Variants in FGD3 observed in about 807,000 individuals in gnomAD.
The protein encoded by FGD3 is FYVE, RhoGEF and PH domain-containing protein 3.
A neutral mutation model predicts 71.8 loss-of-function variants in FGD3; 45 were observed. The ratio of observed to expected loss-of-function variants is 0.63; its 90% CI spans 0.49 to 0.80. The LOEUF (loss-of-function observed/expected upper bound fraction) is 0.80, where lower values mean the gene tolerates loss of function less well. FGD3 is among the 30% of genes least tolerant of loss of function. FGD3 has a pLI of 0.00. For synonymous variants in FGD3, 378 were observed against 392.8 expected (o/e 0.96, Z 0.44); for missense variants, 844 against 951.5 (o/e 0.89, Z 1.49).
chr9:92,951,195 T>C (rs1471253568), intron 1 of FGD3, among the ~76,000 whole-genome samples: 2 of 152,198 alleles, frequency 1.3e-5, no homozygotes, highest in Non-Finnish European at 1.5e-5. Flanking sequence ...TAATATGTGC[T>C]TGTTGAATGA....
Position 92,991,840 on chromosome 9 carries a change from G to T in FGD3, c.454-11085G>T, listed in dbSNP as rs550298700. On this transcript the variant is annotated intron_variant, in intron 3 of 17. Transcript: ENST00000375482. The stretch of plus-strand genomic sequence containing the variant: ...TCTATATCTAGGTGCTCTAGTATTT[G>T]GTGCATATATATTTGCAATTATATT... 7.2e-5 allele frequency among the ~76,000 whole-genome samples: 11 copies of T among 152,028 alleles called. No individual in the cohort carries two copies. In the East Asian group the frequency reaches 2.1e-3, roughly 29 times the overall value.
chr9:92,952,537 C>T (rs551586662), intron 1 of FGD3, among the ~76,000 whole-genome samples: 2 of 152,100 alleles, frequency 1.3e-5, no homozygotes, highest in East Asian at 3.9e-4. Flanking sequence ...GCGCCCGGCC[C>T]GAAAATCAAA....
Position 92,969,188 on chromosome 9 carries a change from A to G in FGD3, c.-217-6050A>G, listed in dbSNP as rs968393292. On this transcript the variant is annotated intron_variant, in intron 1 of 17. Coordinates refer to ENST00000375482, the MANE Select transcript of FGD3 (RefSeq NM_001083536.2). This position sits in a 1 kb window ranked among gnomAD's most constrained non-coding sequence, Gnocchi z 4.5. ...TCATGATTCTGGGCCACCCGGGTGC[A>G]GCGGGCGGCTCTTGCCCACAGGGCT... Among the ~76,000 whole-genome samples, 4 of 152,206 alleles carry G rather than the reference A, an allele frequency of 2.6e-5. No individual in the cohort carries two copies. The highest frequency in any genetic ancestry group is 9.6e-5 in the African/African-American group (4 of 41,454).
chr9:93,032,664 T>TCCTCCCGCCCACTCCA (rs59275077), intron 15 of FGD3, 105 bp from the exon 16 acceptor site: 2 of 1,062,070 alleles, frequency 1.9e-6, no homozygotes, highest in Admixed American at 1.8e-5. Context: ...GTGTTAAGTC[T>TCCTCCCGCCCACTCCA]CCTCCCGCCC....
In FGD3 at chr9:93,035,719, T is replaced by A. The variant is rs1862575729; in HGVS notation, c.*130T>A. 7.6e-7 allele frequency: 1 copy of A among 1,314,996 alleles called. No individual in the cohort carries two copies. The highest frequency in any genetic ancestry group is 2.7e-5 in the East Asian group (1 of 37,366). The allele number at this position is 1,314,996 out of a possible 1,614,324, so 81.5% of individuals were successfully genotyped here. On this transcript the variant is annotated 3_prime_UTR_variant, in exon 18 of 18. Coordinates refer to ENST00000375482, the MANE Select transcript of FGD3 (RefSeq NM_001083536.2). ...CCAACAGCCCAGAGCTCAGGACACTTGGCTTTGGGGGGAAGGAAACTGAGG... is the reference window on the plus strand; with the variant it reads ...CCAACAGCCCAGAGCTCAGGACACTAGGCTTTGGGGGGAAGGAAACTGAGG...
chr9:92,974,084 C>T (rs1386741210), intron 1 of FGD3, among the ~76,000 whole-genome samples: 7 of 151,778 alleles, frequency 4.6e-5, no homozygotes, highest in Non-Finnish European at 7.4e-5. Flanking sequence ...AAACTTGTTT[C>T]GTAGGTTTTG....
intron 1 of FGD3, among the ~76,000 whole-genome samples, chr9:92,951,662 G>A (rs1858956840): frequency 6.6e-6 from 1 of 152,188 alleles, no homozygotes; most frequent in African/African-American, 2.4e-5. Context: ...GTGACAGAGC[G>A]AGACCCTGTC....
chr9:93,028,752 G>T (rs1228988443), intron 14 of FGD3, among the ~76,000 whole-genome samples: 1 of 152,206 alleles, frequency 6.6e-6, no homozygotes, highest in Admixed American at 6.5e-5. Flanking sequence ...CTGAGGCTCA[G>T]AAAGGAGAGG....
At chr9:93,004,161 A>G (rs1406451295) in intron 5 of FGD3, 24 bp downstream of exon 5, 21 of 1,611,710 alleles carry the variant, frequency 1.3e-5, no homozygotes, top group Non-Finnish European at 1.7e-5. Context: ...GCGCATGCCC[A>G]TGGGGCCCCT....
chr9:93,002,920 C>A lies in FGD3; in HGVS notation c.454-5C>A. 6.2e-7 allele frequency: 1 copy of A among 1,613,560 alleles called. No individual in the cohort carries two copies. The highest frequency in any genetic ancestry group is 1.3e-5 in the African/African-American group (1 of 74,996). On this transcript the variant is annotated splice_polypyrimidine_tract_variant and splice_region_variant and intron_variant, in intron 3 of 17. Coordinates refer to ENST00000375482, the MANE Select transcript of FGD3 (RefSeq NM_001083536.2). The stretch of plus-strand genomic sequence containing the variant: ...CCAGGTGAGCTGCATCTCTTCTCTC[C>A]GCAGCACTCTGGCCCCCAGAAGCTT...
chr9:92,981,144 G>C (rs148106966), intron 3 of FGD3, among the ~76,000 whole-genome samples: 3 of 151,564 alleles, frequency 2.0e-5, no homozygotes, highest in African/African-American at 7.3e-5. Context: ...CGAGGCAGTC[G>C]GATCATGAGG....
At chr9:93,022,410 G>A (rs754885693) in intron 14 of FGD3, 21 bp downstream of exon 14, 28 of 1,609,220 alleles carry the variant, frequency 1.7e-5, no homozygotes, top group Non-Finnish European at 2.3e-5. Flanking sequence ...CATGCTCAGC[G>A]GTCAGCAGGG....
chr9:92,979,320 G>C lies in FGD3; in HGVS notation c.453+2611G>C, dbSNP rs140536309. On this transcript the variant is annotated intron_variant, in intron 3 of 17. Coordinates refer to ENST00000375482, the MANE Select transcript of FGD3 (RefSeq NM_001083536.2). Reference sequence around the variant, plus strand: ...TGTTGAGTGTTTTTTATCATGAAAGGATGTTGAATCCTTTCAAATGCTTTT... The same window carrying C: ...TGTTGAGTGTTTTTTATCATGAAAGCATGTTGAATCCTTTCAAATGCTTTT... Among the ~76,000 whole-genome samples the C allele has an allele frequency of 8.4e-3, 1,279 of 152,292 alleles. 11 individuals are homozygous for C. The highest frequency in any genetic ancestry group is 0.024 in the Middle Eastern group (7 of 294).
intron 12 of FGD3, 144 bp from the exon 13 acceptor site, chr9:93,020,173 G>C (rs946880927): frequency 1.5e-5 from 11 of 736,626 alleles, no homozygotes; most frequent in East Asian, 1.4e-4. Flanking sequence ...TCATTGGTAG[G>C]GGGGAAGGGA....
intron 1 of FGD3, among the ~76,000 whole-genome samples, chr9:92,968,261 G>C (rs186742904): frequency 1.3e-5 from 2 of 152,256 alleles, no homozygotes; most frequent in East Asian, 1.9e-4. Flanking sequence ...TTAAACAGTA[G>C]AAGTAACTTG....
intron 14 of FGD3, among the ~76,000 whole-genome samples, chr9:93,024,916 G>A (rs1237143119): frequency 2.0e-5 from 3 of 152,276 alleles, no homozygotes; most frequent in African/African-American, 7.2e-5. Context: ...GCAGGGCTTT[G>A]AGCAAATGCC....
At chr9:92,990,239 A>G (rs933679566) in intron 3 of FGD3, among the ~76,000 whole-genome samples, 1 of 152,148 alleles carries the variant, frequency 6.6e-6, no homozygotes, top group African/African-American at 2.4e-5. Context: ...GGAATTCAAG[A>G]CCAGCTTGAG....
rs1046182209 is a variant in FGD3, at chr9:93,029,175, G to T, written c.1558-699G>T. Among the ~76,000 whole-genome samples, 7 of 151,930 alleles carry T rather than the reference G, an allele frequency of 4.6e-5. No homozygotes were observed. The South Asian group carries it at 6.2e-4, about 14-fold the overall frequency. On this transcript the variant is annotated intron_variant, in intron 14 of 17. Transcript: ENST00000375482. The stretch of plus-strand genomic sequence containing the variant: ...GCCTCCCGAGTAGCTGGGATTACAG[G>T]CACCCACTACCACTACCATGCCCGG...
chr9:92,980,864 G>A (rs1448586715), intron 3 of FGD3, among the ~76,000 whole-genome samples: 5 of 151,418 alleles, frequency 3.3e-5, no homozygotes, highest in Non-Finnish European at 7.4e-5. Flanking sequence ...CCAGCTACTC[G>A]GGAGGCTGAG....
Sources: gnomAD v4.1 joint callset for allele counts (sites outside exome capture counted in the v4.1 genomes callset) on GRCh38, gnomAD v4.1.1 for gene constraint, Gnocchi (gnomAD v3.1) non-coding constraint, MANE v1.5 for transcripts, NCBI Gene and HGNC (gene_info 2026-07-23, HGNC 2026-07-21) for gene names.